SHISA9: variants seen among roughly 807,000 people sequenced by gnomAD.
The protein encoded by SHISA9 is shisa family member 9.
Under a neutral mutation model 38.0 loss-of-function variants are expected in SHISA9, and 13 were observed. The ratio of observed to expected loss-of-function variants is 0.34; its 90% CI spans 0.22 to 0.54. SHISA9 has a LOEUF of 0.54. Among genes scored for constraint, SHISA9 ranks in the 20% least tolerant of loss-of-function variants. The pLI is 0.91. For missense variants in SHISA9, 538 were observed against 575.8 expected, an observed-to-expected ratio of 0.93 and a Z score of 0.67; for synonymous variants, 275 against 242.0, an observed-to-expected ratio of 1.14 and a Z score of -1.27.
At chr16:12,911,456 C>A in intron 1 of SHISA9, 1 of 859,820 alleles carries the variant, frequency 1.2e-6, no homozygotes, top group Non-Finnish European at 1.4e-6. Context: ...AACCCACGAA[C>A]AATGATTAGG....
the SHISA9 span, among the ~76,000 whole-genome samples, chr16:13,360,669 G>A: frequency 6.6e-6 from 1 of 152,106 alleles, no homozygotes; most frequent in African/African-American, 2.4e-5. Context: ...TATTAGCAGT[G>A]TGAGAACAGA....
At chr16:13,033,207 G>C (rs1192181277) in intron 2 of SHISA9, among the ~76,000 whole-genome samples, 1 of 152,126 alleles carries the variant, frequency 6.6e-6, no homozygotes, top group Non-Finnish European at 1.5e-5. Context: ...GCCCATATTT[G>C]GTTAGGCTTG....
the SHISA9 span, among the ~76,000 whole-genome samples, chr16:13,483,902 C>T: frequency 1.3e-5 from 2 of 152,188 alleles, no homozygotes; most frequent in African/African-American, 4.8e-5. Context: ...TTACAATAAA[C>T]TGATAAATGC....
At chr16:13,244,051 C>G (rs1017159552), downstream of SHISA9, among the ~76,000 whole-genome samples, 5 of 151,966 alleles carry the variant, frequency 3.3e-5, no homozygotes, top group Non-Finnish European at 5.9e-5. Flanking sequence ...GATTACAGGC[C>G]TGAGCCACCA....
chr16:13,459,181 T>A, the SHISA9 span, among the ~76,000 whole-genome samples: 2 of 152,042 alleles, frequency 1.3e-5, no homozygotes, highest in African/African-American at 4.8e-5. Flanking sequence ...GAGAAAAAAA[T>A]TATTGAAACT....
chr16:13,185,656 G>C (rs1329612515), intron 2 of SHISA9, among the ~76,000 whole-genome samples: 1 of 152,152 alleles, frequency 6.6e-6, no homozygotes, highest in Non-Finnish European at 1.5e-5. Flanking sequence ...TTGTTTACCT[G>C]TTTCCCTCAC....
At chr16:13,447,808 T>A in the SHISA9 span, among the ~76,000 whole-genome samples, 1 of 152,316 alleles carries the variant, frequency 6.6e-6, no homozygotes, top group South Asian at 2.1e-4. Flanking sequence ...CACAGAAATG[T>A]GATTACTGTA....
At chr16:13,506,588 T>A in the SHISA9 span, among the ~76,000 whole-genome samples, 1 of 152,130 alleles carries the variant, frequency 6.6e-6, no homozygotes, top group Admixed American at 6.5e-5. Context: ...AGCAGCCAAT[T>A]CAAGTGCCTT....
intron 2 of SHISA9, among the ~76,000 whole-genome samples, chr16:13,035,878 A>G (rs571050727): frequency 1.3e-4 from 20 of 152,326 alleles, no homozygotes; most frequent in African/African-American, 4.8e-4. Flanking sequence ...AAGAAGATAT[A>G]TATACGGTCA....
chr16:13,396,546 G>C, the SHISA9 span, among the ~76,000 whole-genome samples: 1 of 152,146 alleles, frequency 6.6e-6, no homozygotes. Flanking sequence ...GGCATAACCT[G>C]GTTTCTCTCA....
At chr16:13,432,200 T>C in the SHISA9 span, among the ~76,000 whole-genome samples, 7 of 152,238 alleles carry the variant, frequency 4.6e-5, no homozygotes, top group Non-Finnish European at 1.0e-4. Context: ...AAAAGGCTGG[T>C]AAGTCCACCC....
intron 1 of SHISA9, among the ~76,000 whole-genome samples, chr16:12,907,154 C>CCTCT (rs1425843808): frequency 3.7e-5 from 3 of 80,494 alleles, no homozygotes; most frequent in African/African-American, 1.2e-4. Context: ...TCCCTCCCTC[C>CCTCT]CTCCTTCCCT....
chr16:13,429,268 G>T, the SHISA9 span, among the ~76,000 whole-genome samples: 1 of 152,166 alleles, frequency 6.6e-6, no homozygotes, highest in Non-Finnish European at 1.5e-5. Context: ...CACAAACTGG[G>T]TGGCTTAAAT....
rs1476409222 is a variant in SHISA9, at chr16:13,239,225, C to T, written c.*3816C>T. 2.6e-5 allele frequency: 4 copies of T among 152,086 alleles called. No homozygotes were observed. The highest frequency in any genetic ancestry group is 9.6e-5 in the African/African-American group (4 of 41,494). The allele number at this position is 152,086 out of a possible 1,614,324, so 9.4% of individuals were successfully genotyped here. ...TGTATATGTGCCACATTTTCTTAAT[C>T]CAGTCTATCCTTGTTGGACTTTTGG... On this transcript the variant is annotated 3_prime_UTR_variant, in exon 5 of 5. Transcript: ENST00000558583.
intron 2 of SHISA9, among the ~76,000 whole-genome samples, chr16:13,166,221 G>A (rs1259608483): frequency 6.6e-6 from 1 of 152,158 alleles, no homozygotes; most frequent in Non-Finnish European, 1.5e-5. Flanking sequence ...CTCTAGCAAC[G>A]TCAGACTTCT....
intron 2 of SHISA9, among the ~76,000 whole-genome samples, chr16:13,193,894 G>T (rs548809533): frequency 6.6e-6 from 1 of 152,040 alleles, no homozygotes; most frequent in Non-Finnish European, 1.5e-5. Flanking sequence ...TTCTTAACTG[G>T]CTCAGCTGCC....
the SHISA9 span, among the ~76,000 whole-genome samples, chr16:13,324,261 A>C: frequency 1.3e-5 from 2 of 152,220 alleles, no homozygotes; most frequent in African/African-American, 2.4e-5. Context: ...GGATTAATGC[A>C]GCTCTGAATC....
chr16:13,549,199 G>T, the SHISA9 span, among the ~76,000 whole-genome samples: 2 of 152,178 alleles, frequency 1.3e-5, no homozygotes, highest in Non-Finnish European at 2.9e-5. Context: ...AATAATTGTT[G>T]CCAGAGACTG....
chr16:13,513,250 T>C, the SHISA9 span, among the ~76,000 whole-genome samples: 1 of 152,152 alleles, frequency 6.6e-6, no homozygotes, highest in Non-Finnish European at 1.5e-5. Flanking sequence ...AACAAACATA[T>C]GAGAAAAAGC....
Sources: allele counts gnomAD v4.1 joint callset (sites outside exome capture counted in the v4.1 genomes callset), GRCh38; gene constraint gnomAD v4.1.1; transcripts MANE v1.5; gene names NCBI Gene and HGNC (gene_info 2026-07-23, HGNC 2026-07-21).